Variants in VPS54 observed in about 807,000 individuals in gnomAD.
VPS54 encodes the protein vacuolar protein sorting-associated protein 54.
A neutral mutation model predicts 121.5 loss-of-function variants in VPS54; 45 were observed. The observed-to-expected ratio is 0.37, with a 90% CI of 0.29 to 0.47. The LOEUF is 0.47. VPS54 is among the 20% of genes least tolerant of loss of function. The pLI, the probability that VPS54 is intolerant of heterozygous loss-of-function variation, is 0.99. For synonymous variants in VPS54, 371 were observed against 385.8 expected, an observed-to-expected ratio of 0.96 and a Z score of 0.45; for missense variants, 1,090 against 1,131.4, an observed-to-expected ratio of 0.96 and a Z score of 0.52.
At chr2:64,014,921 T>C (rs79154903) in intron 1 of VPS54, among the ~76,000 whole-genome samples, 4,318 of 152,216 alleles carry the variant, frequency 0.028, 196 homozygotes, top group African/African-American at 0.099. Context: ...AAATTAAGCT[T>C]GTTAAAAACA....
At chr2:63,994,745 A>G (rs1677499431) in intron 1 of VPS54, among the ~76,000 whole-genome samples, 1 of 152,226 alleles carries the variant, frequency 6.6e-6, no homozygotes, top group African/African-American at 2.4e-5. Flanking sequence ...ATAAACCTGC[A>G]GGAAAACCAT....
At chr2:63,954,955 GA>G (rs1040895357) in intron 7 of VPS54, among the ~76,000 whole-genome samples, 26 of 151,984 alleles carry the variant, frequency 1.7e-4, no homozygotes, top group Admixed American at 1.6e-3. Context: ...ATATTATTTG[GA>G]CCCTGATTAC....
At chr2:63,996,995 G>A (rs556439467) in intron 1 of VPS54, among the ~76,000 whole-genome samples, 61 of 152,144 alleles carry the variant, frequency 4.0e-4, no homozygotes, top group African/African-American at 1.2e-3. Flanking sequence ...GGGGCATCAC[G>A]GAACCTGCTG....
intron 7 of VPS54, among the ~76,000 whole-genome samples, chr2:63,957,995 T>C (rs895603807): frequency 6.6e-6 from 1 of 151,954 alleles, no homozygotes; most frequent in Non-Finnish European, 1.5e-5. Flanking sequence ...GTCATATAGA[T>C]TATAAATGGG....
At chr2:63,946,553 T>C (rs1674988428) in intron 9 of VPS54, among the ~76,000 whole-genome samples, 1 of 152,112 alleles carries the variant, frequency 6.6e-6, no homozygotes. Flanking sequence ...ATTTAACTTT[T>C]AAACTTAAAC....
rs1007037282 is a variant in VPS54, at chr2:63,956,254, T to C, written c.1010+5804A>G. Among the ~76,000 whole-genome samples, 9 of 152,148 alleles carry C rather than the reference T, an allele frequency of 5.9e-5. No homozygotes were observed. The East Asian group carries it at 1.7e-3, about 29-fold the overall frequency. On this transcript the variant is annotated intron_variant, in intron 7 of 22. Coordinates refer to ENST00000272322, the MANE Select transcript of VPS54 (RefSeq NM_016516.3). ...AAATTATAGGAGATTTAAGGTCAAA[T>C]AACATGTTAAATACCTTTTGATACA...
chr2:63,925,548 G>T (rs1466423442), intron 12 of VPS54, among the ~76,000 whole-genome samples: 1 of 152,138 alleles, frequency 6.6e-6, no homozygotes, highest in South Asian at 2.1e-4. Context: ...TGCAACAAAG[G>T]TATCTAGAAG....
intron 12 of VPS54, among the ~76,000 whole-genome samples, chr2:63,921,656 T>C (rs141376653): frequency 1.3e-5 from 2 of 151,940 alleles, no homozygotes; most frequent in African/African-American, 4.8e-5. Flanking sequence ...GCCTCCCAAG[T>C]AGCTGGGACT....
At chr2:63,998,122 T>A (rs568150805) in intron 1 of VPS54, among the ~76,000 whole-genome samples, 1 of 152,338 alleles carries the variant, frequency 6.6e-6, no homozygotes, top group African/African-American at 2.4e-5. Context: ...ATATGAGTGC[T>A]CCAATAGTTA....
In VPS54 at chr2:63,955,506, C is replaced by T. The variant is rs116662992; in HGVS notation, c.1011-6343G>A. On this transcript the variant is annotated intron_variant, in intron 7 of 22. Transcript: ENST00000272322. ...AAAATAATAAAACTTTCCCTCATTT[C>T]GGCACAACTTAAATGCAATGTTCTA... Among the ~76,000 whole-genome samples the T allele has an allele frequency of 2.7e-3, 414 of 152,012 alleles. 4 individuals carry two copies. Among genetic ancestry groups the T allele is most frequent in the African/African-American group, 6.5e-3 (269 of 41,522 alleles).
intron 10 of VPS54, among the ~76,000 whole-genome samples, chr2:63,943,169 A>G (rs1306963446): frequency 6.6e-6 from 1 of 152,230 alleles, no homozygotes; most frequent in East Asian, 1.9e-4. Context: ...TAAAAGTACC[A>G]TGTAAGCAGC....
At chr2:63,983,678 G>A (rs990151458) in intron 2 of VPS54, among the ~76,000 whole-genome samples, 186 bp downstream of exon 2, 5 of 151,558 alleles carry the variant, frequency 3.3e-5, no homozygotes, top group Admixed American at 6.6e-5. Flanking sequence ...TCCTGACCTC[G>A]TGAACCGCCC....
At chr2:63,994,328 TTC>T (rs912801734) in intron 1 of VPS54, among the ~76,000 whole-genome samples, 8 of 152,168 alleles carry the variant, frequency 5.3e-5, no homozygotes, top group African/African-American at 1.4e-4. Context: ...TCCTTATACT[TTC>T]TGTCTCACCA....
intron 1 of VPS54, among the ~76,000 whole-genome samples, chr2:64,011,076 C>T (rs1203883246): frequency 6.6e-6 from 1 of 152,092 alleles, no homozygotes; most frequent in African/African-American, 2.4e-5. Flanking sequence ...AAAATTATAA[C>T]AATTTGTAAT....
chr2:63,993,938 T>C (rs1321539276), intron 1 of VPS54, among the ~76,000 whole-genome samples: 5 of 152,214 alleles, frequency 3.3e-5, no homozygotes, highest in Non-Finnish European at 4.4e-5. Flanking sequence ...CCTTATAGGA[T>C]TTCCCCAAAA....
chr2:63,952,617 T>C (rs1675305003), intron 7 of VPS54, among the ~76,000 whole-genome samples: 1 of 152,224 alleles, frequency 6.6e-6, no homozygotes, highest in Admixed American at 6.5e-5. Context: ...GGAGTAGTGA[T>C]AATTATGAAA....
intron 21 of VPS54, among the ~76,000 whole-genome samples, chr2:63,898,818 C>T (rs1672550519): frequency 6.6e-6 from 1 of 151,832 alleles, no homozygotes; most frequent in South Asian, 2.1e-4. Context: ...AAAGGGAATA[C>T]TGAAAACTTC....
chr2:63,933,867 G>C lies in VPS54; in HGVS notation c.1545C>G (p.Gly515=), dbSNP rs1413013954. 6.2e-7 allele frequency: 1 copy of C among 1,613,684 alleles called. No homozygotes were observed. The highest frequency in any genetic ancestry group is 1.7e-5 in the Admixed American group (1 of 59,936). ...DTEVAYLIHE[G]MFISDAFGEG... Reference sequence around the variant, plus strand: ...CACCGAATGCATCACTTATAAACATGCCTTCATGGATTAAATAAGCCACCT... The same window carrying C: ...CACCGAATGCATCACTTATAAACATCCCTTCATGGATTAAATAAGCCACCT... Residue 515 remains glycine, a synonymous_variant, in exon 12 of 23, where the codon GGC becomes GGG. Transcript: ENST00000272322.
At chr2:64,013,406 G>A (rs893699725) in intron 1 of VPS54, among the ~76,000 whole-genome samples, 27 of 151,984 alleles carry the variant, frequency 1.8e-4, no homozygotes, top group Admixed American at 5.9e-4. Context: ...GAGACTTAAA[G>A]AGACATACCA....
Sources: gnomAD v4.1 joint callset for allele counts (sites outside exome capture counted in the v4.1 genomes callset) on GRCh38, gnomAD v4.1.1 for gene constraint, MANE v1.5 for transcripts, NCBI Gene and HGNC (gene_info 2026-07-23, HGNC 2026-07-21) for gene names.